KCNQ5: variants seen among roughly 807,000 people sequenced by gnomAD.
The protein encoded by KCNQ5 is potassium voltage-gated channel subfamily Q member 5.
Under a neutral mutation model 98.2 loss-of-function variants are expected in KCNQ5, and 30 were observed. The ratio of observed to expected loss-of-function variants is 0.31; its 90% confidence interval spans 0.23 to 0.41. The LOEUF is 0.41. Among genes scored for constraint, KCNQ5 ranks in the 10% least tolerant of loss-of-function variants. The pLI, the probability that KCNQ5 is intolerant of heterozygous loss-of-function variation, is 1.00. For synonymous variants in KCNQ5, 458 were observed against 449.4 expected, an observed-to-expected ratio of 1.02 and a Z score of -0.24; for missense variants, 835 against 1,182.5, an observed-to-expected ratio of 0.71 and a Z score of 4.31.
At chr6:72,987,647 G>A in intron 1 of KCNQ5, 1 of 611,652 alleles carries the variant, frequency 1.6e-6, no homozygotes, top group African/African-American at 1.9e-5. Flanking sequence ...CGGGCCATGA[G>A]CTGGAAGTAC....
intron 2 of KCNQ5, among the ~76,000 whole-genome samples, chr6:73,034,087 C>G (rs1310769321): frequency 2.0e-5 from 3 of 152,186 alleles, no homozygotes; most frequent in Non-Finnish European, 4.4e-5. Flanking sequence ...GGAGCCATCT[C>G]TAGATCTTAA....
At chr6:72,918,216 C>T (rs567644833) in intron 1 of KCNQ5, among the ~76,000 whole-genome samples, 6 of 152,190 alleles carry the variant, frequency 3.9e-5, no homozygotes, top group South Asian at 2.1e-4. Context: ...TTAAAGATTC[C>T]TGCTGCACAG....
chr6:72,981,632 G>T (rs1768456871), intron 1 of KCNQ5, among the ~76,000 whole-genome samples: 2 of 151,920 alleles, frequency 1.3e-5, no homozygotes, highest in Non-Finnish European at 2.9e-5. Context: ...TGATTTTTTT[G>T]AAGGGTTTTT....
At chr6:72,627,366 T>A (rs1410437548) in intron 1 of KCNQ5, among the ~76,000 whole-genome samples, 1 of 151,964 alleles carries the variant, frequency 6.6e-6, no homozygotes, top group Middle Eastern at 3.2e-3. Context: ...TAAGAGCCAA[T>A]GGAAGAACCT....
At chr6:72,834,556 C>A (rs1158993742) in intron 1 of KCNQ5, among the ~76,000 whole-genome samples, 1 of 151,742 alleles carries the variant, frequency 6.6e-6, no homozygotes, top group Non-Finnish European at 1.5e-5. Context: ...CAGGGTTTAC[C>A]CAAAATAGTT....
chr6:73,029,904 CAAA>C (rs56804434), intron 2 of KCNQ5, among the ~76,000 whole-genome samples: 5 of 78,654 alleles, frequency 6.4e-5, no homozygotes, highest in African/African-American at 2.1e-4. Context: ...GACTCCGTCT[CAAA>C]AAAAAAAAAA....
chr6:72,966,441 G>T (rs989258264), intron 1 of KCNQ5, among the ~76,000 whole-genome samples: 1 of 151,722 alleles, frequency 6.6e-6, no homozygotes, highest in Non-Finnish European at 1.5e-5. Flanking sequence ...GGTGGCAGGC[G>T]CCTGTAATCC....
intron 10 of KCNQ5, among the ~76,000 whole-genome samples, chr6:73,138,833 T>C (rs920440674): frequency 4.6e-5 from 7 of 152,220 alleles, no homozygotes; most frequent in African/African-American, 1.4e-4. Context: ...AGTGCCTTTG[T>C]TCCAGGCACT....
intron 1 of KCNQ5, among the ~76,000 whole-genome samples, chr6:72,917,454 T>TTTTTATTTTA (rs199931952): frequency 9.9e-4 from 146 of 147,762 alleles, no homozygotes; most frequent in Middle Eastern, 3.4e-3. Flanking sequence ...TTTATTTTTA[T>TTTTTATTTTA]TTTTATTTTA....
At chr6:72,650,262 A>G (rs1047297207) in intron 1 of KCNQ5, among the ~76,000 whole-genome samples, 2 of 152,144 alleles carry the variant, frequency 1.3e-5, no homozygotes, top group African/African-American at 4.8e-5. Context: ...GTGTATAAAA[A>G]CAGTGACTCA....
At chr6:72,903,176 A>G (rs1296668759) in intron 1 of KCNQ5, among the ~76,000 whole-genome samples, 2 of 152,048 alleles carry the variant, frequency 1.3e-5, no homozygotes, top group East Asian at 3.9e-4. Flanking sequence ...GTCAGTTTTA[A>G]TATCTCCCAT....
intron 10 of KCNQ5, among the ~76,000 whole-genome samples, chr6:73,149,403 T>TTTA (rs1185194626): frequency 1.3e-5 from 2 of 152,310 alleles, no homozygotes; most frequent in East Asian, 3.9e-4. Flanking sequence ...GATTTAAATA[T>TTTA]AAAGCATAAA....
chr6:72,851,133 G>C (rs1393593750), intron 1 of KCNQ5, among the ~76,000 whole-genome samples: 5 of 152,104 alleles, frequency 3.3e-5, no homozygotes, highest in Non-Finnish European at 7.4e-5. Flanking sequence ...TCAGATTAAG[G>C]ATGGTATTGT....
chr6:73,081,395 G>A (rs149466273), intron 5 of KCNQ5, among the ~76,000 whole-genome samples: 11 of 152,128 alleles, frequency 7.2e-5, no homozygotes, highest in African/African-American at 2.7e-4. Context: ...AATAATTTAA[G>A]AATGGGTTTC....
intron 10 of KCNQ5, among the ~76,000 whole-genome samples, chr6:73,149,832 G>A (rs61589891): frequency 0.14 from 19,780 of 140,548 alleles, 4,537 homozygotes; most frequent in African/African-American, 0.49. Context: ...GAGAGGGAGG[G>A]AGGAAGGAAG....
intron 5 of KCNQ5, among the ~76,000 whole-genome samples, chr6:73,081,830 T>TAA (rs890856969): frequency 1.3e-5 from 2 of 150,474 alleles, no homozygotes; most frequent in African/African-American, 4.9e-5. Flanking sequence ...CCATCTCATT[T>TAA]AAAAAAAAAA....
chr6:73,094,364 A>G (rs754278888), intron 5 of KCNQ5, among the ~76,000 whole-genome samples: 2 of 152,166 alleles, frequency 1.3e-5, no homozygotes, highest in Non-Finnish European at 2.9e-5. Flanking sequence ...ACAATTCTAT[A>G]TCTTTTAAGT....
intron 1 of KCNQ5, among the ~76,000 whole-genome samples, chr6:72,682,029 T>C (rs1767734342): frequency 6.6e-6 from 1 of 152,092 alleles, no homozygotes; most frequent in Non-Finnish European, 1.5e-5. Flanking sequence ...AGATCCATGG[T>C]CCCAGCTTTC....
intron 1 of KCNQ5, among the ~76,000 whole-genome samples, chr6:72,688,161 T>A (rs544000624): frequency 6.6e-6 from 1 of 152,206 alleles, no homozygotes; most frequent in Non-Finnish European, 1.5e-5. Flanking sequence ...CTAACTATAC[T>A]GAGCAGAGTT....
Sources: allele counts gnomAD v4.1 joint callset (sites outside exome capture counted in the v4.1 genomes callset), GRCh38; gene constraint gnomAD v4.1.1; transcripts MANE v1.5; gene names NCBI Gene and HGNC (gene_info 2026-07-23, HGNC 2026-07-21).